The following DYRK4 variants were observed in gnomAD, a reference collection of about 807,000 sequenced individuals.
DYRK4 encodes dual specificity tyrosine phosphorylation regulated kinase 4, also known as dual specificity tyrosine-phosphorylation-regulated kinase 4.
In DYRK4, 64 loss-of-function variants were observed where a neutral mutation model predicts 68.3. The ratio of observed to expected loss-of-function variants is 0.94; its 90% CI spans 0.77 to 1.15. The LOEUF (loss-of-function observed/expected upper bound fraction) is 1.15, where lower values mean the gene tolerates loss of function less well. Among genes scored for constraint, DYRK4 ranks in the 50% most tolerant of loss-of-function variants. DYRK4 has a pLI of 0.00. For synonymous variants in DYRK4, 274 were observed against 289.9 expected (o/e 0.95, Z 0.56); for missense variants, 740 against 764.7 (o/e 0.97, Z 0.38).
chr12:4,605,024 T>G lies in DYRK4; in HGVS notation c.1237T>G (p.Tyr413Asp), dbSNP rs750221184. 1.2e-6 allele frequency: 2 copies of G among 1,614,070 alleles called. No homozygotes were observed. Among genetic ancestry groups the G allele is most frequent in the South Asian group, 2.2e-5 (2 of 91,068 alleles). Residue 413 changes from tyrosine to aspartate, a missense_variant, in exon 11 of 15, where the codon TAC becomes GAC. This residue lies in a region of DYRK4 where 614 missense variants were observed against 603.7 expected (regional missense o/e 1.02). Transcript: ENST00000543431. ...WSLGCITAELYTGYPLFPGEN... is the reference protein window; with the variant it reads ...WSLGCITAELDTGYPLFPGEN... The stretch of plus-strand genomic sequence containing the variant: ...CCTGGGCTGCATCACGGCGGAGTTG[T>G]ACACGGGCTACCCCCTGTTCCCCGG...
At position 4,613,444 on chromosome 12, in the gene DYRK4, A is replaced by C. The variant is rs985937911; in HGVS notation, c.1667-71A>C. ...CATCGTTTCCACTAAGTGATGTACA[A>C]CCTAAAGGACAATTAACATATAATC... is the stretch of plus-strand genomic sequence containing the variant. On this transcript the variant is annotated intron_variant, in intron 14 of 14. Coordinates refer to ENST00000543431, the MANE Select transcript of DYRK4 (RefSeq NM_001394779.1). This position sits in a 1 kb window ranked among gnomAD's most constrained non-coding sequence, Gnocchi z 4.0. 5 of 1,536,424 alleles carry C rather than the reference A, an allele frequency of 3.3e-6. No individual in the cohort carries two copies. In the Admixed American group the frequency reaches 7.5e-5, roughly 23 times the overall value.
intron 11 of DYRK4, 97 bp from the exon 12 acceptor site, chr12:4,607,230 C>T: frequency 7.3e-7 from 1 of 1,370,914 alleles, no homozygotes; most frequent in Non-Finnish European, 1.0e-6. Flanking sequence ...GAATCCTTAT[C>T]TGTAGAAGGC....
At chr12:4,563,025 T>C (rs1268112888) in intron 1 of DYRK4, 2 of 455,824 alleles carry the variant, frequency 4.4e-6, no homozygotes, top group Non-Finnish European at 4.4e-6. Flanking sequence ...ACGGACAGCA[T>C]CACCAATATT....
At chr12:4,564,521 C>T (rs1262948286) in intron 1 of DYRK4, 4 of 152,100 alleles carry the variant, frequency 2.6e-5, no homozygotes, top group African/African-American at 7.2e-5. Context: ...AGACTTGTTT[C>T]CTTTCTGGAT....
In DYRK4 at chr12:4,613,398, C is replaced by CTGTT. The variant is rs1945251136; in HGVS notation, c.1667-115_1667-112dup. On this transcript the variant is annotated intron_variant, in intron 14 of 14. Coordinates refer to ENST00000543431, the MANE Select transcript of DYRK4 (RefSeq NM_001394779.1). The surrounding 1 kb of genome is among the most constrained non-coding windows in gnomAD (Gnocchi z 4.0). ...ACATTGGAGGTGCTTTACAAATGAA[C>CTGTT]TGTTTTTATATCATCACGGTCATCG... is the stretch of plus-strand genomic sequence containing the variant. 2 of 1,323,890 alleles carry CTGTT rather than the reference C, an allele frequency of 1.5e-6. No individual in the cohort carries two copies. Among genetic ancestry groups the CTGTT allele is most frequent in the African/African-American group, 1.5e-5 (1 of 67,674 alleles). The allele number at this position is 1,323,890 out of a possible 1,614,324, so 82.0% of individuals were successfully genotyped here. A position where few individuals can be genotyped will look rare whatever the true frequency, so the allele number is the denominator to read the frequency against.
At chr12:4,592,784 G>C (rs891855677) in intron 5 of DYRK4, 5 of 494,796 alleles carry the variant, frequency 1.0e-5, no homozygotes, top group African/African-American at 9.8e-5. Flanking sequence ...CCCTGTCCTT[G>C]TGTTCCTTTC....
intron 11 of DYRK4, among the ~76,000 whole-genome samples, chr12:4,605,875 CTAAT>C (rs1293334818): frequency 2.0e-5 from 3 of 150,844 alleles, no homozygotes; most frequent in African/African-American, 7.3e-5. Flanking sequence ...GAAGCCTGTT[CTAAT>C]TAATGTCGTC....
In DYRK4 at chr12:4,562,552, G is replaced by A. The variant is rs77005124; in HGVS notation, c.38+269G>A. On this transcript the variant is annotated intron_variant, in intron 1 of 14. Transcript: ENST00000543431. ...GTCGCATCGGCGACTCCAGCTGAGT[G>A]CAGGACAGGGAGCGAGGGGTTCTGA... is the stretch of plus-strand genomic sequence containing the variant. Among the ~76,000 whole-genome samples the A allele has an allele frequency of 1.5e-4, 23 of 152,350 alleles. No individual in the cohort carries two copies. In the East Asian group the frequency reaches 4.4e-3, roughly 29 times the overall value.
chr12:4,586,748 C>T (rs1005033290), intron 2 of DYRK4, among the ~76,000 whole-genome samples: 1 of 127,278 alleles, frequency 7.9e-6, no homozygotes, highest in Admixed American at 7.7e-5. Flanking sequence ...ACACACACAC[C>T]CCTTTGCTCT....
chr12:4,569,107 T>C (rs1182221809), intron 2 of DYRK4, among the ~76,000 whole-genome samples: 2 of 152,304 alleles, frequency 1.3e-5, no homozygotes, highest in South Asian at 2.1e-4. Flanking sequence ...GATTTAACTC[T>C]AGTGTTGTCC....
At chr12:4,562,390 A>G (rs1944635855) in intron 1 of DYRK4, 107 bp downstream of exon 1, 7 of 1,354,190 alleles carry the variant, frequency 5.2e-6, no homozygotes, top group Middle Eastern at 1.8e-4. Flanking sequence ...AAAAGCGTGC[A>G]GAATGCAAGA....
chr12:4,613,698 G>A lies in DYRK4; in HGVS notation c.1850G>A (p.Gly617Glu). The A allele has an allele frequency of 1.3e-6, 2 of 1,593,174 alleles. No homozygotes were observed. The highest frequency in any genetic ancestry group is 1.7e-6 in the Non-Finnish European group (2 of 1,163,788). ...GCGGAGGTGTCCATGACCTCCCCAG[G>A]ACAGAGCAAAAACTTCTCCCTCAAG... ...VGAEVSMTSP[G>E]QSKNFSLKNT... The change falls in exon 15 of 15, where the codon GGA becomes GAA. Residue 617 changes from glycine to glutamate, a missense_variant. Coordinates refer to ENST00000543431, the MANE Select transcript of DYRK4 (RefSeq NM_001394779.1). This position sits in a 1 kb window ranked among gnomAD's most constrained non-coding sequence, Gnocchi z 4.0.
chr12:4,600,803 T>C (rs1449024382), intron 10 of DYRK4, among the ~76,000 whole-genome samples: 1 of 152,018 alleles, frequency 6.6e-6, no homozygotes, highest in Non-Finnish European at 1.5e-5. Flanking sequence ...GGGATTTTTA[T>C]GAAGGCGTCA....
intron 2 of DYRK4, among the ~76,000 whole-genome samples, chr12:4,573,777 G>A (rs578074699): frequency 1.4e-4 from 21 of 152,162 alleles, no homozygotes; most frequent in African/African-American, 5.1e-4. Context: ...CTGAAATCAG[G>A]ATTCAGATTT....
At chr12:4,576,932 A>G (rs1046415709) in intron 2 of DYRK4, among the ~76,000 whole-genome samples, 1 of 152,148 alleles carries the variant, frequency 6.6e-6, no homozygotes, top group Non-Finnish European at 1.5e-5. Context: ...TGTTTTGCAC[A>G]TATTTTCTAC....
At chr12:4,585,823 T>C (rs900422351) in intron 2 of DYRK4, among the ~76,000 whole-genome samples, 4 of 152,230 alleles carry the variant, frequency 2.6e-5, no homozygotes, top group African/African-American at 4.8e-5. Context: ...GCAGTACATA[T>C]TCATACAAAA....
intron 2 of DYRK4, among the ~76,000 whole-genome samples, chr12:4,579,922 A>C (rs1944824821): frequency 2.0e-5 from 3 of 152,178 alleles, no homozygotes; most frequent in Admixed American, 6.5e-5. Flanking sequence ...GCAGCATGAG[A>C]CAGTAAAATG....
intron 5 of DYRK4, chr12:4,592,461 A>T (rs944507281): frequency 6.6e-6 from 1 of 152,184 alleles, no homozygotes; most frequent in Non-Finnish European, 1.5e-5. Flanking sequence ...GAGAGCGCCA[A>T]TGTGATCTGG....
Position 4,610,229 on chromosome 12 carries a change from A to G in DYRK4, c.1435A>G (p.Met479Val), listed in dbSNP as rs779937110. 2.6e-5 allele frequency: 42 copies of G among 1,599,558 alleles called. 1 individual carries two copies. In the South Asian group the frequency reaches 4.7e-4, roughly 18 times the overall value. ...KRYPDSKDLT[M>V]VLKTYDTSFL... ...ATACCCAGATTCCAAGGACCTCACG[A>G]TGGTGCTGAAAACCTATGACACCAG... Residue 479 changes from methionine (M) to valine (V), a missense_variant, in exon 13 of 15, where the codon ATG becomes GTG. Met to Val is a conservative substitution (Grantham distance 21). Transcript: ENST00000543431.
Sources: gnomAD v4.1 joint callset for allele counts (sites outside exome capture counted in the v4.1 genomes callset) on GRCh38, gnomAD v4.1.1 for gene constraint, gnomAD v4.1.1 regional missense constraint, Gnocchi (gnomAD v3.1) non-coding constraint, MANE v1.5 for transcripts, NCBI Gene and HGNC (gene_info 2026-07-23, HGNC 2026-07-21) for gene names.